The following BIRC6 variants were observed in gnomAD, a reference collection of about 807,000 sequenced individuals.
The protein encoded by BIRC6 is baculoviral IAP repeat containing 6, also known as dual E2 ubiquitin-conjugating enzyme/E3 ubiquitin-protein ligase BIRC6.
BIRC6 carries 98 observed loss-of-function variants against 503.3 expected under a neutral mutation model. The ratio of observed to expected loss-of-function variants is 0.19; its 90% CI spans 0.17 to 0.23. The LOEUF is 0.23. Ranked by LOEUF, BIRC6 falls within the 10% of genes least tolerant of loss-of-function variation. The pLI, the probability that BIRC6 is intolerant of heterozygous loss-of-function variation, is 1.00. For synonymous variants in BIRC6, 2,240 were observed against 2,078.7 expected, an observed-to-expected ratio of 1.08 and a Z score of -2.11; for missense variants, 5,360 against 5,806.0, an observed-to-expected ratio of 0.92 and a Z score of 2.50.
chr2:32,433,862 AC>A lies in BIRC6; in HGVS notation c.3409+59del, dbSNP rs2044400980. The A allele has an allele frequency of 4.4e-6, 6 of 1,351,652 alleles. No homozygotes were observed. The South Asian group carries it at 1.1e-4, about 24-fold the overall frequency. The allele number at this position is 1,351,652 out of a possible 1,614,324, so 83.7% of individuals were successfully genotyped here. A position where few individuals can be genotyped will look rare whatever the true frequency, so the allele number is the denominator to read the frequency against. ...TTTATTTTGTGGTTGATTTCTGAAA[AC>A]TAATTTTCACCTTGGCTAAGTTTCG... On this transcript the variant is annotated intron_variant, in intron 13 of 73. Coordinates refer to ENST00000421745, the MANE Select transcript of BIRC6 (RefSeq NM_016252.4).
chr2:32,440,067 C>T (rs917859139), intron 16 of BIRC6, among the ~76,000 whole-genome samples: 3 of 152,172 alleles, frequency 2.0e-5, no homozygotes, highest in East Asian at 3.9e-4. Context: ...GTAGTAGAGA[C>T]GGGGTTTCAC....
intron 22 of BIRC6, 42 bp downstream of exon 22, chr2:32,448,970 C>G: frequency 6.3e-7 from 1 of 1,575,092 alleles, no homozygotes; most frequent in Non-Finnish European, 8.6e-7. Context: ...AATGTTGTAT[C>G]TTGGATTTAA....
intron 66 of BIRC6, among the ~76,000 whole-genome samples, chr2:32,579,341 A>G (rs1347798759): frequency 1.3e-5 from 2 of 152,082 alleles, no homozygotes; most frequent in Non-Finnish European, 2.9e-5. Context: ...GATAATTCAG[A>G]GAATGGAGGA....
At chr2:32,547,691 G>C (rs1355883609) in intron 63 of BIRC6, among the ~76,000 whole-genome samples, 159 bp from the exon 64 acceptor site, 2 of 152,190 alleles carry the variant, frequency 1.3e-5, no homozygotes, top group African/African-American at 2.4e-5. Context: ...ACTAGAAGTA[G>C]AATTGCTGGG....
chr2:32,560,289 AAC>A (rs1391882474), intron 65 of BIRC6, among the ~76,000 whole-genome samples: 1 of 152,192 alleles, frequency 6.6e-6, no homozygotes, highest in Non-Finnish European at 1.5e-5. Flanking sequence ...TTGTAAAATA[AAC>A]ACACAATTTT....
At chr2:32,362,287 G>A (rs1260429215) in intron 1 of BIRC6, among the ~76,000 whole-genome samples, 1 of 150,132 alleles carries the variant, frequency 6.7e-6, no homozygotes, top group Non-Finnish European at 1.5e-5. Context: ...ATGCTTATTT[G>A]TCTCTTTTTA....
intron 11 of BIRC6, 74 bp downstream of exon 11, chr2:32,429,369 A>G: frequency 4.4e-6 from 5 of 1,124,132 alleles, no homozygotes; most frequent in Non-Finnish European, 6.0e-6. Context: ...TTGTTGGAAG[A>G]TGTAAACATA....
chr2:32,611,641 G>C, intron 73 of BIRC6, 59 bp downstream of exon 73: 1 of 1,405,802 alleles, frequency 7.1e-7, no homozygotes. Context: ...ATTATTGACA[G>C]AACCATGCCT....
At chr2:32,480,960 C>T (rs2050334904) in intron 37 of BIRC6, among the ~76,000 whole-genome samples, 1 of 151,930 alleles carries the variant, frequency 6.6e-6, no homozygotes, top group African/African-American at 2.4e-5. Context: ...ATTCTTACAA[C>T]TTCAGTCCTG....
chr2:32,538,862 C>G (rs535429117), intron 61 of BIRC6, among the ~76,000 whole-genome samples: 1 of 152,232 alleles, frequency 6.6e-6, no homozygotes, highest in African/African-American at 2.4e-5. Flanking sequence ...AACCTGAGAT[C>G]GTGCCCCTGC....
At position 32,515,367 on chromosome 2, in the gene BIRC6, G is replaced by T; in HGVS notation, c.10946G>T (p.Ser3649Ile). 6 of 1,613,574 alleles carry T rather than the reference G, an allele frequency of 3.7e-6. No individual in the cohort carries two copies. Among genetic ancestry groups the T allele is most frequent in the Non-Finnish European group, 5.1e-6 (6 of 1,179,882 alleles). ...AGTTTCTGCTTTAGCCACATTTCTA[G>T]CTCAGAAAGCATTGCCCAGTCAATA... is the stretch of plus-strand genomic sequence containing the variant. Reference protein sequence around the residue: ...LASFCFSHISSSESIAQSIDI... With the variant: ...LASFCFSHISISESIAQSIDI... The change falls in exon 55 of 74, where the codon AGC (serine) becomes ATC (isoleucine). Residue 3649 changes from serine (S) to isoleucine (I), a missense_variant. Ser to Ile is a moderately radical substitution (Grantham distance 142). Transcript: ENST00000421745.
chr2:32,377,816 TA>T (rs1244379642), intron 2 of BIRC6, 47 bp downstream of exon 2: 2 of 1,444,200 alleles, frequency 1.4e-6, no homozygotes. Context: ...AATGTAATCT[TA>T]GACATATTAG....
chr2:32,532,992 C>T (rs1300044516), intron 61 of BIRC6, among the ~76,000 whole-genome samples: 1 of 151,940 alleles, frequency 6.6e-6, no homozygotes, highest in Non-Finnish European at 1.5e-5. Flanking sequence ...AAAAAAAAAT[C>T]TAGATTACCT....
intron 73 of BIRC6, among the ~76,000 whole-genome samples, chr2:32,613,357 G>C (rs1322936876): frequency 2.0e-5 from 3 of 151,504 alleles, no homozygotes; most frequent in African/African-American, 7.3e-5. Flanking sequence ...GCTAACTTTT[G>C]TATTTTTATT....
intron 51 of BIRC6, among the ~76,000 whole-genome samples, chr2:32,508,590 A>G (rs915075758): frequency 3.3e-5 from 5 of 152,044 alleles, no homozygotes; most frequent in South Asian, 2.1e-4. Context: ...TGACCAGCCT[A>G]TGACATCTGA....
At chr2:32,451,723 ATGAC>A (rs2046753539) in intron 22 of BIRC6, among the ~76,000 whole-genome samples, 2 of 152,302 alleles carry the variant, frequency 1.3e-5, no homozygotes, top group East Asian at 3.9e-4. Context: ...ATTTGCAGTA[ATGAC>A]TGACAGACAA....
In BIRC6 at chr2:32,547,743, A is replaced by T. The variant is rs1445948835; in HGVS notation, c.12811-107A>T. ...TGTTCAATTTTTTTGAGCAGCCACCAAACTGTTTTCCATAGTAGCTTCATC... is the reference window on the plus strand; with the variant it reads ...TGTTCAATTTTTTTGAGCAGCCACCTAACTGTTTTCCATAGTAGCTTCATC... On this transcript the variant is annotated intron_variant, in intron 63 of 73. Transcript: ENST00000421745. 5 of 1,028,044 alleles carry T rather than the reference A, an allele frequency of 4.9e-6. No individual in the cohort carries two copies. The East Asian group carries it at 8.3e-5, about 17-fold the overall frequency. 63.7% of individuals were successfully genotyped at this position (1,028,044 alleles called of 1,614,324 possible).
At chr2:32,404,221 G>A (rs897580001) in intron 8 of BIRC6, among the ~76,000 whole-genome samples, 3 of 150,212 alleles carry the variant, frequency 2.0e-5, no homozygotes, top group African/African-American at 7.4e-5. Context: ...TGAGCACCAC[G>A]CCCAGCCGCA....
chr2:32,488,508 A>C, intron 41 of BIRC6, 80 bp from the exon 42 acceptor site: 1 of 1,232,122 alleles, frequency 8.1e-7, no homozygotes, highest in Non-Finnish European at 1.1e-6. Flanking sequence ...ACAAGAATTT[A>C]AACATAAGAT....
Sources: allele counts gnomAD v4.1 joint callset (sites outside exome capture counted in the v4.1 genomes callset), GRCh38; gene constraint gnomAD v4.1.1; transcripts MANE v1.5; gene names NCBI Gene and HGNC (gene_info 2026-07-23, HGNC 2026-07-21).